RNF123: variants seen among roughly 807,000 people sequenced by gnomAD.
RNF123 encodes the protein ring finger protein 123.
Under a neutral mutation model 168.5 loss-of-function variants are expected in RNF123, and 86 were observed. The ratio of observed to expected loss-of-function variants is 0.51; its 90% confidence interval spans 0.43 to 0.61. The LOEUF (loss-of-function observed/expected upper bound fraction) is 0.61, where lower values mean the gene tolerates loss of function less well. Among genes scored for constraint, RNF123 ranks in the 20% least tolerant of loss-of-function variants. The pLI is 0.00. For missense variants in RNF123, 1,419 were observed against 1,729.7 expected, an observed-to-expected ratio of 0.82 and a Z score of 3.19; for synonymous variants, 666 against 689.1, an observed-to-expected ratio of 0.97 and a Z score of 0.52.
Position 49,715,584 on chromosome 3 carries a change from C to A in RNF123, c.3020C>A (p.Pro1007His), listed in dbSNP as rs781572761. 4.0e-5 allele frequency: 64 copies of A among 1,613,942 alleles called. No individual in the cohort carries two copies. Among genetic ancestry groups the A allele is most frequent in the Non-Finnish European group, 5.3e-5 (62 of 1,180,000 alleles). The change falls in exon 32 of 39, where the codon CCT becomes CAT. Residue 1007 changes from proline to histidine, a missense_variant. Physicochemically the swap from Pro to His is moderately conservative, Grantham distance 77. Around this residue, in one of 5 missense-constraint regions of RNF123, gnomAD observed 538 missense variants for 708.8 expected, o/e 0.76. Coordinates refer to ENST00000327697, the MANE Select transcript of RNF123 (RefSeq NM_022064.5). ...TCCTGTCCCCCTGCAGAGCCCTGCC[C>A]TTCCACCCTGCTGCAGCAGCACATG... ...ANLPSLQKPC[P>H]STLLQQHMAD... is the part of the protein sequence containing the mutation.
chr3:49,712,399 T>C, intron 26 of RNF123, 80 bp from the exon 27 acceptor site: 11 of 1,461,438 alleles, frequency 7.5e-6, no homozygotes, highest in Non-Finnish European at 1.0e-5. Context: ...TGGGGAGGCC[T>C]TTCCTGATCC....
At chr3:49,702,936 C>T (rs1475490506) in intron 20 of RNF123, among the ~76,000 whole-genome samples, 183 bp downstream of exon 20, 2 of 152,318 alleles carry the variant, frequency 1.3e-5, no homozygotes, top group South Asian at 4.1e-4. Context: ...AGGAGCCCTG[C>T]ACCGCAGGCC....
At chr3:49,720,330 A>AAAAC (rs1311536314) in intron 35 of RNF123, 181 bp from the exon 36 acceptor site, 7 of 505,598 alleles carry the variant, frequency 1.4e-5, no homozygotes, top group African/African-American at 2.0e-5. Flanking sequence ...AAAAAAAAAA[A>AAAAC]AAACAGGCTG....
chr3:49,718,075 A>C (rs774036169), intron 35 of RNF123: 3 of 1,613,600 alleles, frequency 1.9e-6, no homozygotes, highest in Non-Finnish European at 2.5e-6. Flanking sequence ...GCGGCCATTG[A>C]GGCCCCTCCG....
chr3:49,716,532 G>A, intron 35 of RNF123, 55 bp downstream of exon 35: 1 of 1,400,768 alleles, frequency 7.1e-7, no homozygotes, highest in Non-Finnish European at 1.0e-6. Context: ...TGGTGAGGAG[G>A]GGCTGGACAG....
chr3:49,720,246 G>A (rs995393252), intron 35 of RNF123: 21 of 276,864 alleles, frequency 7.6e-5, no homozygotes, highest in Middle Eastern at 1.0e-3. Context: ...AACCCGGGAG[G>A]TGGAGGTTGC....
At chr3:49,705,702 A>C (rs1440330617) in intron 24 of RNF123, 23 bp downstream of exon 24, 1 of 1,613,952 alleles carries the variant, frequency 6.2e-7, no homozygotes, top group South Asian at 1.1e-5. Context: ...TGGACCCCGC[A>C]TTGGGTGGCG....
chr3:49,697,020 G>A, intron 3 of RNF123, 123 bp from the exon 4 acceptor site: 1 of 805,642 alleles, frequency 1.2e-6, no homozygotes, highest in South Asian at 1.5e-5. Context: ...CTAGGACTAG[G>A]CACAGCCCTT....
intron 27 of RNF123, 122 bp from the exon 28 acceptor site, chr3:49,713,391 G>T: frequency 2.3e-6 from 2 of 884,128 alleles, no homozygotes; most frequent in Non-Finnish European, 3.6e-6. Context: ...TGCCACCCTG[G>T]GTCCAGGCTG....
Position 49,719,677 on chromosome 3 carries a change from G to T in RNF123, c.3501-834G>T, listed in dbSNP as rs537034625. On this transcript the variant is annotated intron_variant, in intron 35 of 38. Transcript: ENST00000327697. ...AGCCGCGCTCCCTTCGGCTTCGCTA[G>T]CCCTCTCCAAGCGAGTTCCTGATCG... 173 of 555,216 alleles carry T rather than the reference G, an allele frequency of 3.1e-4. 1 individual carries two copies. Among genetic ancestry groups the T allele is most frequent in the East Asian group, 5.7e-4 (18 of 31,406 alleles). The allele number at this position is 555,216 out of a possible 1,614,324, so 34.4% of individuals were successfully genotyped here.
At chr3:49,720,918 G>C in intron 37 of RNF123, 24 bp downstream of exon 37, 1 of 1,613,128 alleles carries the variant, frequency 6.2e-7, no homozygotes. Context: ...CGGTGCACAG[G>C]TCCATGCCAC....
intron 3 of RNF123, among the ~76,000 whole-genome samples, chr3:49,691,860 T>C (rs2054172997): frequency 6.6e-6 from 1 of 152,250 alleles, no homozygotes; most frequent in Non-Finnish European, 1.5e-5. Context: ...CTGACTGACC[T>C]TGTAAAGAAC....
At chr3:49,702,032 T>G in intron 17 of RNF123, 51 bp from the exon 18 acceptor site, 1 of 1,596,252 alleles carries the variant, frequency 6.3e-7, no homozygotes, top group South Asian at 1.1e-5. Flanking sequence ...GGCCCAAACC[T>G]GCCCCCCATC....
At chr3:49,713,881 C>T in intron 29 of RNF123, 29 bp from the exon 30 acceptor site, 1 of 1,613,202 alleles carries the variant, frequency 6.2e-7, no homozygotes, top group Non-Finnish European at 8.5e-7. Flanking sequence ...CCCAGCCTCA[C>T]CCCGTCTCTC....
Position 49,720,508 on chromosome 3 carries a change from T to C in RNF123, c.3501-3T>C, listed in dbSNP as rs371778146. 6 of 1,573,942 alleles carry C rather than the reference T, an allele frequency of 3.8e-6. No individual in the cohort carries two copies. In the African/African-American group the frequency reaches 8.1e-5, roughly 21 times the overall value. ...GACTGCCCTTGCACCCTCCCCTACCTAGGAGAGAGCAAGCCACATCAGTGC... is the reference window on the plus strand; with the variant it reads ...GACTGCCCTTGCACCCTCCCCTACCCAGGAGAGAGCAAGCCACATCAGTGC... On this transcript the variant is annotated splice_polypyrimidine_tract_variant and splice_region_variant and intron_variant, in intron 35 of 38. Transcript: ENST00000327697.
Position 49,697,172 on chromosome 3 carries a change from A to C in RNF123, c.197A>C (p.Glu66Ala), listed in dbSNP as rs1357356192. 6.2e-7 allele frequency: 1 copy of C among 1,614,036 alleles called. No homozygotes were observed. The highest frequency in any genetic ancestry group is 1.3e-5 in the African/African-American group (1 of 74,926). ...CCCCTGAACTTCCAGAACCTGCCAG[A>C]ACATTTGGACCAGTTGCTACAGGTG... ...RKPLNFQNLP[E>A]HLDQLLQVDN... The change falls in exon 4 of 39, where the codon GAA becomes GCA. Residue 66 changes from glutamate (E) to alanine (A), a missense_variant. Coordinates refer to ENST00000327697, the MANE Select transcript of RNF123 (RefSeq NM_022064.5).
rs557328371 is a variant in RNF123, at chr3:49,695,219, C to G, written c.168-1924C>G. On this transcript the variant is annotated intron_variant, in intron 3 of 38. Coordinates refer to ENST00000327697, the MANE Select transcript of RNF123 (RefSeq NM_022064.5). Reference sequence around the variant, plus strand: ...CCAGGCTCAAGGAATCCTCCCACCTCAGCCTCCCACATAGCTGGGACCACA... The same window carrying G: ...CCAGGCTCAAGGAATCCTCCCACCTGAGCCTCCCACATAGCTGGGACCACA... 5.3e-5 allele frequency among the ~76,000 whole-genome samples: 8 copies of G among 152,302 alleles called. No homozygotes were observed. In the South Asian group the frequency reaches 1.2e-3, roughly 24 times the overall value.
rs112666024 is a variant in RNF123 at position 49,702,628 on chromosome 3, C to T, written c.1630-5C>T. 6.2e-7 allele frequency: 1 copy of T among 1,614,208 alleles called. No individual in the cohort carries two copies. On this transcript the variant is annotated splice_polypyrimidine_tract_variant and splice_region_variant and intron_variant, in intron 19 of 38. Transcript: ENST00000327697. ...CAATGCATGTTTCATGCCTGGTGTC[C>T]ACAGAACATGCCCATGCTCTGCCCC...
At chr3:49,715,399 T>G in intron 31 of RNF123, 176 bp from the exon 32 acceptor site, 1 of 730,666 alleles carries the variant, frequency 1.4e-6, no homozygotes, top group Non-Finnish European at 2.2e-6. Context: ...GGACAGATTC[T>G]GTCCCAACTA....
Sources: allele counts gnomAD v4.1 joint callset (sites outside exome capture counted in the v4.1 genomes callset), GRCh38; gene constraint gnomAD v4.1.1; regional missense constraint gnomAD v4.1.1; transcripts MANE v1.5; gene names NCBI Gene and HGNC (gene_info 2026-07-23, HGNC 2026-07-21).